The following GSTCD variants were observed in gnomAD, a reference collection of about 807,000 sequenced individuals.
GSTCD encodes the protein glutathione S-transferase C-terminal domain containing.
Under a neutral mutation model 68.3 loss-of-function variants are expected in GSTCD, and 44 were observed. The observed-to-expected ratio is 0.64, with a 90% CI of 0.51 to 0.83. The LOEUF is 0.83. GSTCD is among the 40% of genes least tolerant of loss of function. The pLI is 0.00. For synonymous variants in GSTCD, 273 were observed against 255.2 expected, an observed-to-expected ratio of 1.07 and a Z score of -0.67; for missense variants, 739 against 735.9, an observed-to-expected ratio of 1.00 and a Z score of -0.05.
intron 9 of GSTCD, among the ~76,000 whole-genome samples, chr4:105,837,226 C>T (rs1012654054): frequency 6.6e-6 from 1 of 152,158 alleles, no homozygotes; most frequent in African/African-American, 2.4e-5. Flanking sequence ...ACTCACCAAC[C>T]CAGAGCCCTT....
At chr4:105,762,513 T>C (rs942796358) in intron 5 of GSTCD, among the ~76,000 whole-genome samples, 2 of 152,228 alleles carry the variant, frequency 1.3e-5, no homozygotes, top group Non-Finnish European at 2.9e-5. Flanking sequence ...GTCTGACCTA[T>C]TACTACTTCA....
chr4:105,757,048 T>G (rs1734224557), intron 5 of GSTCD, among the ~76,000 whole-genome samples: 1 of 152,174 alleles, frequency 6.6e-6, no homozygotes, highest in Non-Finnish European at 1.5e-5. Flanking sequence ...CCTAAGGGAC[T>G]GGAGTTTGGC....
chr4:105,743,201 T>C (rs1051138534), intron 5 of GSTCD, among the ~76,000 whole-genome samples: 22 of 152,118 alleles, frequency 1.4e-4, no homozygotes, highest in Middle Eastern at 3.4e-3. Context: ...CTGCCCCCCT[T>C]GGCCTCCCAA....
intron 10 of GSTCD, among the ~76,000 whole-genome samples, chr4:105,838,230 T>C (rs895766518): frequency 2.0e-5 from 3 of 152,220 alleles, no homozygotes; most frequent in African/African-American, 7.2e-5. Flanking sequence ...GTTTTCACAC[T>C]GACTCTCTAT....
intron 5 of GSTCD, among the ~76,000 whole-genome samples, chr4:105,776,862 A>G (rs1735086931): frequency 6.6e-6 from 1 of 152,138 alleles, no homozygotes; most frequent in African/African-American, 2.4e-5. Flanking sequence ...TCTCCAGGAT[A>G]AGGAAATTGT....
chr4:105,755,702 G>A (rs1403204801), intron 5 of GSTCD, among the ~76,000 whole-genome samples: 1 of 152,106 alleles, frequency 6.6e-6, no homozygotes, highest in Non-Finnish European at 1.5e-5. Context: ...CACATGGAGA[G>A]TTTTTAAGCT....
chr4:105,766,887 C>CTTTTTTTT, intron 5 of GSTCD, among the ~76,000 whole-genome samples: 16 of 57,130 alleles, frequency 2.8e-4, no homozygotes, highest in African/African-American at 8.8e-4. Context: ...GTTTTTGACT[C>CTTTTTTTT]TTTTTTTTTT....
intron 9 of GSTCD, among the ~76,000 whole-genome samples, chr4:105,835,380 C>A (rs148044320): frequency 6.6e-6 from 1 of 152,256 alleles, no homozygotes; most frequent in Non-Finnish European, 1.5e-5. Context: ...CAGGGTCCGG[C>A]CACTTCACAC....
intron 8 of GSTCD, among the ~76,000 whole-genome samples, chr4:105,832,840 C>G (rs1482909244): frequency 6.6e-6 from 1 of 152,132 alleles, no homozygotes; most frequent in Non-Finnish European, 1.5e-5. Context: ...TCCAACTAGT[C>G]ATGAAAATAA....
Position 105,726,621 on chromosome 4 carries a change from C to A in GSTCD, c.937C>A (p.Pro313Thr). ...ATTTTCTGAGAAGCTGGTAGAATTT[C>A]CATTGCTAGCCTCTTGGTACCAGAG... ...RKFSEKLVEFPLLASWYQRIQ... is the reference protein window; with the variant it reads ...RKFSEKLVEFTLLASWYQRIQ... The change falls in exon 4 of 12, where the codon CCA (proline) becomes ACA (threonine). Residue 313 changes from proline (P) to threonine (T), a missense_variant. By Grantham distance (38) the Pro-to-Thr change is conservative. Transcript: ENST00000515279. 2 of 1,610,148 alleles carry A rather than the reference C, an allele frequency of 1.2e-6. No homozygotes were observed. The highest frequency in any genetic ancestry group is 8.5e-7 in the Non-Finnish European group (1 of 1,177,768).
intron 5 of GSTCD, among the ~76,000 whole-genome samples, chr4:105,791,340 C>T (rs1195378097): frequency 2.0e-5 from 3 of 149,952 alleles, no homozygotes; most frequent in Non-Finnish European, 4.4e-5. Flanking sequence ...TTGCAGTGAG[C>T]CGAGATCGCG....
intron 5 of GSTCD, among the ~76,000 whole-genome samples, chr4:105,742,010 C>T (rs1733645788): frequency 6.6e-6 from 1 of 152,144 alleles, no homozygotes; most frequent in Admixed American, 6.5e-5. Context: ...TCTGTACTGT[C>T]AGGAGAAATC....
chr4:105,818,636 C>T lies in GSTCD; in HGVS notation c.1241-4318C>T, dbSNP rs138282903. Among the ~76,000 whole-genome samples the T allele has an allele frequency of 1.1e-4, 17 of 151,690 alleles. No homozygotes were observed. In the East Asian group the frequency reaches 3.3e-3, roughly 29 times the overall value. On this transcript the variant is annotated intron_variant, in intron 5 of 11. Coordinates refer to ENST00000515279, the MANE Select transcript of GSTCD (RefSeq NM_001370181.1). ...CAAAGGAGAGATACTTTAATGGGTA[C>T]ATTTGGAAGGGACTTTAGTAATATA...
chr4:105,744,564 C>T (rs1230656044), intron 5 of GSTCD, among the ~76,000 whole-genome samples: 1 of 152,064 alleles, frequency 6.6e-6, no homozygotes, highest in African/African-American at 2.4e-5. Flanking sequence ...TATTAAGTGA[C>T]TTATAATTCA....
At chr4:105,766,658 T>A (rs1560818871) in intron 5 of GSTCD, among the ~76,000 whole-genome samples, 1 of 152,158 alleles carries the variant, frequency 6.6e-6, no homozygotes, top group Non-Finnish European at 1.5e-5. Flanking sequence ...AGTTTTAGGC[T>A]TTTAGAATAT....
intron 5 of GSTCD, among the ~76,000 whole-genome samples, chr4:105,771,206 T>C (rs1223544626): frequency 2.0e-5 from 3 of 152,210 alleles, no homozygotes; most frequent in African/African-American, 7.2e-5. Flanking sequence ...CTTCGCCAAC[T>C]TTTTGATGAG....
intron 5 of GSTCD, among the ~76,000 whole-genome samples, chr4:105,757,569 C>T (rs1734241204): frequency 6.6e-6 from 1 of 152,070 alleles, no homozygotes; most frequent in African/African-American, 2.4e-5. Context: ...ATTTCTCACA[C>T]AAATGTTATT....
intron 8 of GSTCD, among the ~76,000 whole-genome samples, chr4:105,833,328 G>A (rs1723977682): frequency 6.6e-6 from 1 of 152,032 alleles, no homozygotes; most frequent in South Asian, 2.1e-4. Flanking sequence ...TGCAGGCGTG[G>A]TGGCACATGC....
At chr4:105,719,017 A>G (rs1732770840) in intron 2 of GSTCD, 43 bp from the exon 3 acceptor site, 4 of 1,440,040 alleles carry the variant, frequency 2.8e-6, no homozygotes, top group African/African-American at 1.4e-5. Context: ...TTATATTGAA[A>G]TTAAAAAATC....
Sources: allele counts gnomAD v4.1 joint callset (sites outside exome capture counted in the v4.1 genomes callset), GRCh38; gene constraint gnomAD v4.1.1; transcripts MANE v1.5; gene names NCBI Gene and HGNC (gene_info 2026-07-23, HGNC 2026-07-21).